Variants in PTPRT observed in about 807,000 individuals in gnomAD.
The protein encoded by PTPRT is protein tyrosine phosphatase receptor type T, also known as receptor-type tyrosine-protein phosphatase T.
In PTPRT, 56 loss-of-function variants were observed where a neutral mutation model predicts 176.8. The observed-to-expected ratio is 0.32, with a 90% CI of 0.26 to 0.40. The LOEUF (loss-of-function observed/expected upper bound fraction) is 0.40, where lower values mean the gene tolerates loss of function less well. Among genes scored for constraint, PTPRT ranks in the 10% least tolerant of loss-of-function variants. The pLI is 1.00. For missense variants in PTPRT, 1,540 were observed against 1,908.2 expected (o/e 0.81, Z 3.60); for synonymous variants, 783 against 739.0 (o/e 1.06, Z -0.96).
At chr20:42,677,090 C>T (rs2075517787) in intron 7 of PTPRT, among the ~76,000 whole-genome samples, 1 of 152,152 alleles carries the variant, frequency 6.6e-6, no homozygotes. Context: ...GGATAGGAGC[C>T]TCCAGGGGAT....
intron 2 of PTPRT, among the ~76,000 whole-genome samples, chr20:42,819,232 T>C (rs1483842237): frequency 1.3e-5 from 2 of 152,020 alleles, no homozygotes; most frequent in East Asian, 1.9e-4. Flanking sequence ...CCAGAAGAGA[T>C]TGGGGGCCAA....
chr20:42,396,750 C>T lies in PTPRT; in HGVS notation c.1561-44465G>A, dbSNP rs544798201. ...CTAATTTTTGCATTTTTAGTAGAGA[C>T]GGGGTTTCACCATGTTGGCCAGGCT... is the stretch of plus-strand genomic sequence containing the variant. On this transcript the variant is annotated intron_variant, in intron 9 of 30. Transcript: ENST00000373187. Among the ~76,000 whole-genome samples, 39 of 152,252 alleles carry T rather than the reference C, an allele frequency of 2.6e-4. No individual in the cohort carries two copies. The South Asian group carries it at 7.1e-3, about 28-fold the overall frequency.
intron 7 of PTPRT, among the ~76,000 whole-genome samples, chr20:42,529,828 C>A (rs1424775724): frequency 1.4e-5 from 2 of 146,482 alleles, no homozygotes; most frequent in Non-Finnish European, 3.0e-5. Flanking sequence ...AACTCTTATT[C>A]CTGTGCAACT....
intron 13 of PTPRT, among the ~76,000 whole-genome samples, chr20:42,251,697 G>A (rs776008126): frequency 6.7e-6 from 1 of 149,040 alleles, no homozygotes; most frequent in Non-Finnish European, 1.5e-5. Context: ...TGCCTAATGG[G>A]GCAAGCACCC....
chr20:42,448,170 T>C, intron 9 of PTPRT, 50 bp downstream of exon 9: 1 of 1,390,624 alleles, frequency 7.2e-7, no homozygotes, highest in South Asian at 1.2e-5. Context: ...CAGGCTGAAG[T>C]GACTTGAATA....
intron 1 of PTPRT, among the ~76,000 whole-genome samples, chr20:43,176,652 T>C (rs1225920655): frequency 6.6e-6 from 1 of 152,194 alleles, no homozygotes; most frequent in Non-Finnish European, 1.5e-5. Context: ...TAAACTTACA[T>C]AGTTTGATTA....
chr20:43,125,122 A>G (rs1274481554), intron 1 of PTPRT, among the ~76,000 whole-genome samples: 5 of 151,668 alleles, frequency 3.3e-5, no homozygotes, highest in Non-Finnish European at 7.4e-5. Context: ...CAACCTCCCA[A>G]GTAGCTGGGA....
At chr20:42,472,163 A>G in intron 8 of PTPRT, 103 bp downstream of exon 8, 1 of 1,304,434 alleles carries the variant, frequency 7.7e-7, no homozygotes, top group South Asian at 1.4e-5. Context: ...TGTGTGAGGG[A>G]ATTAAAAATG....
intron 9 of PTPRT, among the ~76,000 whole-genome samples, chr20:42,441,606 G>C (rs753760946): frequency 5.9e-5 from 9 of 152,170 alleles, no homozygotes; most frequent in African/African-American, 9.7e-5. Context: ...GTGTGGAAGG[G>C]GGTGGGCAGG....
At chr20:42,921,606 A>G (rs1453443287) in intron 1 of PTPRT, among the ~76,000 whole-genome samples, 2 of 152,032 alleles carry the variant, frequency 1.3e-5, no homozygotes, top group East Asian at 3.9e-4. Context: ...CAACACAAAA[A>G]TTTTCTAAAA....
intron 2 of PTPRT, among the ~76,000 whole-genome samples, chr20:42,808,003 G>C (rs1298541063): frequency 6.6e-6 from 1 of 152,168 alleles, no homozygotes; most frequent in African/African-American, 2.4e-5. Context: ...CCCCTCCAGG[G>C]ACTGTGTCAG....
chr20:42,353,352 C>T (rs141232324), intron 9 of PTPRT, among the ~76,000 whole-genome samples: 110 of 152,312 alleles, frequency 7.2e-4, no homozygotes, highest in African/African-American at 2.5e-3. Context: ...AGGATAGCTA[C>T]TCTCATTTTA....
At chr20:42,586,748 T>C (rs1292593039) in intron 7 of PTPRT, among the ~76,000 whole-genome samples, 1 of 152,246 alleles carries the variant, frequency 6.6e-6, no homozygotes, top group African/African-American at 2.4e-5. Context: ...TAATGATTTA[T>C]TTGAAAATGG....
intron 6 of PTPRT, among the ~76,000 whole-genome samples, chr20:42,747,786 T>C (rs771378533): frequency 6.6e-6 from 1 of 152,130 alleles, no homozygotes; most frequent in Non-Finnish European, 1.5e-5. Context: ...GCATTACAAA[T>C]CAAGGACTAG....
chr20:42,889,437 T>A (rs2079155548), intron 1 of PTPRT, among the ~76,000 whole-genome samples: 1 of 152,230 alleles, frequency 6.6e-6, no homozygotes, highest in African/African-American at 2.4e-5. Context: ...TGAGCCACTA[T>A]TTCTTCAGAA....
intron 1 of PTPRT, among the ~76,000 whole-genome samples, chr20:43,053,250 A>G (rs1987114280): frequency 6.6e-6 from 1 of 152,138 alleles, no homozygotes; most frequent in Admixed American, 6.5e-5. Flanking sequence ...GTGATCTCAC[A>G]TCCACCCCCT....
intron 1 of PTPRT, among the ~76,000 whole-genome samples, chr20:43,188,380 C>A (rs1346314627): frequency 6.6e-6 from 1 of 152,160 alleles, no homozygotes; most frequent in Non-Finnish European, 1.5e-5. Flanking sequence ...TCGCCTATTC[C>A]GCTTCCATTT....
rs1461392597 is a variant in PTPRT at position 43,165,291 on chromosome 20, T to G, written c.88+24355A>C. On this transcript the variant is annotated intron_variant, in intron 1 of 30. Coordinates refer to ENST00000373187, the MANE Select transcript of PTPRT (RefSeq NM_007050.6). ...CTCCTGCCTCAGCCTCCCAAGTAGC[T>G]GGGATTACAGGCGCCTGCCACAATC... Among the ~76,000 whole-genome samples the G allele has an allele frequency of 7.2e-5, 11 of 152,126 alleles. No individual in the cohort carries two copies. In the East Asian group the frequency reaches 2.1e-3, roughly 29 times the overall value.
intron 6 of PTPRT, among the ~76,000 whole-genome samples, chr20:42,681,483 A>G (rs1365207325): frequency 6.6e-6 from 1 of 152,048 alleles, no homozygotes; most frequent in Non-Finnish European, 1.5e-5. Context: ...TGCTGGGACC[A>G]CTCATGTTGA....
Sources: gnomAD v4.1 joint callset for allele counts (sites outside exome capture counted in the v4.1 genomes callset) on GRCh38, gnomAD v4.1.1 for gene constraint, MANE v1.5 for transcripts, NCBI Gene and HGNC (gene_info 2026-07-23, HGNC 2026-07-21) for gene names.